The following MAMLD1 variants were observed in gnomAD, a reference collection of about 807,000 sequenced individuals.
The protein encoded by MAMLD1 is mastermind like domain containing 1, also known as mastermind-like domain-containing protein 1.
MAMLD1 carries 14 observed loss-of-function variants against 45.0 expected under a neutral mutation model. That is an observed-to-expected ratio of 0.31 (90% CI 0.21 to 0.49). The LOEUF is 0.49. Among genes scored for constraint, MAMLD1 ranks in the 20% least tolerant of loss-of-function variants. MAMLD1 has a pLI of 0.99. For missense variants in MAMLD1, 543 were observed against 603.6 expected (o/e 0.90, Z 1.05); for synonymous variants, 254 against 247.8 (o/e 1.02, Z -0.24).
intron 1 of MAMLD1, among the ~76,000 whole-genome samples, chrX:150,385,172 A>G (rs2032863953): frequency 9.0e-6 from 1 of 110,825 alleles, no homozygotes; most frequent in African/African-American, 3.3e-5. Context: ...AAGTGAGACC[A>G]TATATTATTT....
At chrX:150,483,767 CTGT>C (rs72344763) in intron 5 of MAMLD1, among the ~76,000 whole-genome samples, 12,566 of 112,014 alleles carry the variant, frequency 0.11, 635 homozygotes, top group Non-Finnish European at 0.15. Context: ...GTTGTTTCTG[CTGT>C]TGTTGTTGTT....
intron 1 of MAMLD1, among the ~76,000 whole-genome samples, chrX:150,413,550 C>T (rs960001888): frequency 1.8e-4 from 20 of 110,218 alleles, no homozygotes; most frequent in Non-Finnish European, 3.4e-4. Context: ...GTTGAAGGCT[C>T]ATCACACCAA....
rs1210797352 is a variant in MAMLD1 at position 150,512,990 on chromosome X, G to A, written c.*1031G>A. The stretch of plus-strand genomic sequence containing the variant: ...GGTGTGCAACTTGAGGCTGATCGAC[G>A]ACATTTTGGAACAGCATGCTGCTGC... On this transcript the variant is annotated 3_prime_UTR_variant, in exon 8 of 8. Coordinates refer to ENST00000370401, the MANE Select transcript of MAMLD1 (RefSeq NM_005491.5). 55 of 1,153,665 alleles carry A rather than the reference G, an allele frequency of 4.8e-5. No homozygotes were observed. The highest frequency in any genetic ancestry group is 2.3e-4 in the Middle Eastern group (1 of 4,328).
chrX:150,398,326 GAAGAA>G (rs1569564606), intron 1 of MAMLD1, among the ~76,000 whole-genome samples: 39 of 88,056 alleles, frequency 4.4e-4, no homozygotes, highest in African/African-American at 1.2e-3. Context: ...AGAAGAAGAA[GAAGAA>G]GAAGAAGAAG....
chrX:150,501,514 T>G (rs2266839), intron 5 of MAMLD1, among the ~76,000 whole-genome samples: 9,706 of 111,903 alleles, frequency 0.087, 399 homozygotes, highest in Admixed American at 0.19. Context: ...GGAGGGGCAC[T>G]GAGCCCTCTA....
chrX:150,457,650 C>T (rs944415437), intron 2 of MAMLD1, among the ~76,000 whole-genome samples: 31 of 112,245 alleles, frequency 2.8e-4, no homozygotes, highest in African/African-American at 8.4e-4. Context: ...ACAAAAGGAA[C>T]GGAGTACTGA....
intron 1 of MAMLD1, among the ~76,000 whole-genome samples, chrX:150,426,921 C>T (rs1034565513): frequency 8.9e-6 from 1 of 112,124 alleles, no homozygotes; most frequent in African/African-American, 3.2e-5. Flanking sequence ...AACTAGATGA[C>T]TTAAGCATCA....
rs782046657 is a variant in MAMLD1, at chrX:150,445,606, G to A, written c.90G>A (p.Gln30=). The change falls in exon 2 of 8, where the codon CAG becomes CAA. Residue 30 remains glutamine, a synonymous_variant. Coordinates refer to ENST00000370401, the MANE Select transcript of MAMLD1 (RefSeq NM_005491.5). The part of the protein sequence containing the change: ...VGNRQEPRKL[Q]ESGKKPSWME... ...ATCGTCAGGAGCCCAGAAAGCTCCAGGAATCGGTCAGACAATGGGCCATGG... is the reference window on the plus strand; with the variant it reads ...ATCGTCAGGAGCCCAGAAAGCTCCAAGAATCGGTCAGACAATGGGCCATGG... 1 of 1,197,960 alleles carries A rather than the reference G, an allele frequency of 8.3e-7. No individual in the cohort carries two copies. The highest frequency in any genetic ancestry group is 1.1e-6 in the Non-Finnish European group (1 of 885,129).
chrX:150,367,714 C>T (rs945306377), intron 1 of MAMLD1, among the ~76,000 whole-genome samples: 11 of 109,680 alleles, frequency 1.0e-4, no homozygotes, highest in Non-Finnish European at 1.9e-4. Context: ...CCCTCCTCCC[C>T]CCACCCCACG....
At chrX:150,496,141 G>A (rs2037370554) in intron 5 of MAMLD1, among the ~76,000 whole-genome samples, 2 of 113,032 alleles carry the variant, frequency 1.8e-5, no homozygotes, top group African/African-American at 6.4e-5. Flanking sequence ...GCCCGAACAT[G>A]ACGGTTAGTT....
intron 5 of MAMLD1, among the ~76,000 whole-genome samples, chrX:150,481,734 G>A (rs1460156390): frequency 9.2e-6 from 1 of 108,177 alleles, no homozygotes; most frequent in African/African-American, 3.4e-5. Flanking sequence ...GGAGGCTGAG[G>A]TGGGAGGATT....
At chrX:150,416,862 T>A (rs1159030274) in intron 1 of MAMLD1, among the ~76,000 whole-genome samples, 1 of 112,313 alleles carries the variant, frequency 8.9e-6, no homozygotes, top group East Asian at 2.8e-4. Context: ...GAGATGGGAT[T>A]TCACATGAAG....
chrX:150,371,904 T>C (rs782226341), intron 1 of MAMLD1, among the ~76,000 whole-genome samples: 12 of 111,355 alleles, frequency 1.1e-4, no homozygotes, highest in Middle Eastern at 9.2e-3. Context: ...TAAAACCCCA[T>C]GATTTTACAG....
At chrX:150,488,689 A>G (rs2037074536) in intron 5 of MAMLD1, among the ~76,000 whole-genome samples, 2 of 113,185 alleles carry the variant, frequency 1.8e-5, no homozygotes, top group Non-Finnish European at 3.7e-5. Flanking sequence ...TTCCATTCTC[A>G]TTAGATATTC....
chrX:150,438,333 C>G (rs961726531), intron 1 of MAMLD1, among the ~76,000 whole-genome samples: 1 of 112,144 alleles, frequency 8.9e-6, no homozygotes, highest in South Asian at 3.7e-4. Context: ...GATTCAGTTT[C>G]TCCACATTCT....
At chrX:150,421,570 C>T (rs2034516242) in intron 1 of MAMLD1, among the ~76,000 whole-genome samples, 1 of 112,428 alleles carries the variant, frequency 8.9e-6, no homozygotes, top group Non-Finnish European at 1.9e-5. Flanking sequence ...GTAGTTTTCT[C>T]TGTTGGACTT....
Position 150,465,454 on chromosome X carries a change from G to T in MAMLD1, c.171+2608G>T, listed in dbSNP as rs782793063. 2.5e-3 allele frequency among the ~76,000 whole-genome samples: 285 copies of T among 112,141 alleles called. 1 individual carries two copies. Among genetic ancestry groups the T allele is most frequent in the African/African-American group, 8.9e-3 (275 of 30,912 alleles). The stretch of plus-strand genomic sequence containing the variant: ...CTAGGGGGTGGGGAGGCCATCACAT[G>T]CCTTGAAATGCATTTTAATGAATGT... On this transcript the variant is annotated intron_variant, in intron 3 of 7. Transcript: ENST00000370401.
intron 5 of MAMLD1, among the ~76,000 whole-genome samples, chrX:150,500,273 C>T (rs1490944000): frequency 1.8e-5 from 2 of 111,815 alleles, no homozygotes; most frequent in Non-Finnish European, 3.8e-5. Flanking sequence ...GCTTGGCAAA[C>T]CAAGGAGCAC....
Position 150,465,037 on chromosome X carries a change from G to A in MAMLD1, c.171+2191G>A, listed in dbSNP as rs192047997. ...CCTACAAGCCCAGTGCCCTCTGGAGGGAAAATAAGTCTCCCTGAGTTTATC... is the reference window on the plus strand; with the variant it reads ...CCTACAAGCCCAGTGCCCTCTGGAGAGAAAATAAGTCTCCCTGAGTTTATC... On this transcript the variant is annotated intron_variant, in intron 3 of 7. Transcript: ENST00000370401. 1.4e-3 allele frequency among the ~76,000 whole-genome samples: 154 copies of A among 111,784 alleles called. 1 individual carries two copies. The highest frequency in any genetic ancestry group is 4.6e-3 in the African/African-American group (140 of 30,708).
Sources: gnomAD v4.1 joint callset for allele counts (sites outside exome capture counted in the v4.1 genomes callset) on GRCh38, gnomAD v4.1.1 for gene constraint, MANE v1.5 for transcripts, NCBI Gene and HGNC (gene_info 2026-07-23, HGNC 2026-07-21) for gene names.